EFHD2: variants seen among roughly 807,000 people sequenced by gnomAD.
EFHD2 encodes the protein EF-hand domain family member D2, also known as EF-hand domain-containing protein D2.
A neutral mutation model predicts 20.3 loss-of-function variants in EFHD2; 12 were observed. The ratio of observed to expected loss-of-function variants is 0.59; its 90% CI spans 0.38 to 0.96. EFHD2 has a LOEUF of 0.96. Among genes scored for constraint, EFHD2 ranks in the 40% least tolerant of loss-of-function variants. The pLI is 0.00. For missense variants in EFHD2, 250 were observed against 334.3 expected (o/e 0.75, Z 1.97); for synonymous variants, 131 against 143.9 (o/e 0.91, Z 0.64).
chr1:15,424,999 A>T (rs1389635582), intron 1 of EFHD2, among the ~76,000 whole-genome samples: 1 of 152,158 alleles, frequency 6.6e-6, no homozygotes, highest in Non-Finnish European at 1.5e-5. Flanking sequence ...GAGGGATGCT[A>T]CTATAAACAT....
chr1:15,414,840 A>G (rs1707628806), intron 1 of EFHD2, among the ~76,000 whole-genome samples: 2 of 152,224 alleles, frequency 1.3e-5, no homozygotes, highest in Non-Finnish European at 2.9e-5. Flanking sequence ...ACCTAGTTTC[A>G]GGGAAGGCAG....
chr1:15,422,990 T>TG (rs975639578), intron 1 of EFHD2, among the ~76,000 whole-genome samples: 2 of 152,196 alleles, frequency 1.3e-5, no homozygotes, highest in African/African-American at 4.8e-5. Context: ...TTTGCTTTCC[T>TG]GGGGGGCACT....
intron 1 of EFHD2, among the ~76,000 whole-genome samples, chr1:15,410,779 A>C (rs1239890198): frequency 7.2e-5 from 4 of 55,586 alleles, no homozygotes; most frequent in Non-Finnish European, 1.0e-4. Flanking sequence ...TACCCACCCC[A>C]GTGCCCCTCG....
chr1:15,413,030 A>T lies in EFHD2; in HGVS notation c.308+2751A>T, dbSNP rs936980058. 1.4e-4 allele frequency among the ~76,000 whole-genome samples: 22 copies of T among 152,100 alleles called. No individual in the cohort carries two copies. Among genetic ancestry groups the T allele is most frequent in the Non-Finnish European group, 5.9e-5 (4 of 68,000 alleles). The stretch of plus-strand genomic sequence containing the variant: ...AGCTGCAGATTGTGTATTCAAGGAA[A>T]CAACGCTTCACTGTGCCAACCGAGC... On this transcript the variant is annotated intron_variant, in intron 1 of 3. Coordinates refer to ENST00000375980, the MANE Select transcript of EFHD2 (RefSeq NM_024329.6). This position sits in a 1 kb window ranked among gnomAD's most constrained non-coding sequence, Gnocchi z 4.4.
Position 15,428,685 on chromosome 1 carries a change from G to C in EFHD2, c.684G>C (p.Arg228=). The C allele has an allele frequency of 1.2e-6, 2 of 1,603,142 alleles. No homozygotes were observed. The highest frequency in any genetic ancestry group is 8.5e-7 in the Non-Finnish European group (1 of 1,175,576). Reference sequence around the variant, plus strand: ...AGCAGGCGGAGGAGATGAAGCAGCGGAAAGCGGCCTTCAAGGAGCTGCAGT... The same window carrying C: ...AGCAGGCGGAGGAGATGAAGCAGCGCAAAGCGGCCTTCAAGGAGCTGCAGT... ...RKKQAEEMKQ[R]KAAFKELQST... Residue 228 remains arginine, a synonymous_variant, in exon 4 of 4, where the codon CGG becomes CGC. Transcript: ENST00000375980.
At chr1:15,427,650 C>T (rs772443006) in intron 3 of EFHD2, among the ~76,000 whole-genome samples, 12 of 152,216 alleles carry the variant, frequency 7.9e-5, no homozygotes, top group Non-Finnish European at 1.6e-4. Flanking sequence ...ACCAATCCCA[C>T]CAGCCCCAGC....
chr1:15,419,481 C>A (rs1188920460), intron 1 of EFHD2, among the ~76,000 whole-genome samples: 1 of 152,174 alleles, frequency 6.6e-6, no homozygotes, highest in Non-Finnish European at 1.5e-5. Context: ...CCTCCACTGG[C>A]CCTGCAAGCT....
chr1:15,410,400 C>T (rs1707459921), intron 1 of EFHD2, 121 bp downstream of exon 1: 7 of 1,233,832 alleles, frequency 5.7e-6, no homozygotes, highest in Non-Finnish European at 7.7e-6. Flanking sequence ...CTTCCCCGAA[C>T]CCAGACGCAC....
At chr1:15,423,384 C>T (rs1256953408) in intron 1 of EFHD2, among the ~76,000 whole-genome samples, 4 of 152,234 alleles carry the variant, frequency 2.6e-5, no homozygotes, top group Admixed American at 2.6e-4. Flanking sequence ...CAACCACTGA[C>T]TCACTGGCTC....
At chr1:15,425,386 G>A (rs1707857406) in intron 1 of EFHD2, among the ~76,000 whole-genome samples, 4 of 152,098 alleles carry the variant, frequency 2.6e-5, no homozygotes, top group African/African-American at 9.7e-5. Flanking sequence ...TTAGCTGGGT[G>A]TGGTGGTGCA....
Position 15,426,780 on chromosome 1 carries a change from G to T in EFHD2, c.457-370G>T, listed in dbSNP as rs943379457. On this transcript the variant is annotated intron_variant, in intron 2 of 3. Transcript: ENST00000375980. This position sits in a 1 kb window ranked among gnomAD's most constrained non-coding sequence, Gnocchi z 4.6. ...TGGGGTGTCTTTTACTGTCATGGAG[G>T]CTCCCTCATTCTGTCATGACACCTG... Among the ~76,000 whole-genome samples, 4 of 152,162 alleles carry T rather than the reference G, an allele frequency of 2.6e-5. No individual in the cohort carries two copies. Among genetic ancestry groups the T allele is most frequent in the African/African-American group, 9.7e-5 (4 of 41,436 alleles).
intron 1 of EFHD2, among the ~76,000 whole-genome samples, chr1:15,423,314 A>AG (rs112584188): frequency 0.015 from 2,252 of 152,354 alleles, 56 homozygotes; most frequent in African/African-American, 0.05. Flanking sequence ...GTGGGGCAGA[A>AG]GCCGCAGGAC....
intron 1 of EFHD2, among the ~76,000 whole-genome samples, chr1:15,419,727 C>G (rs916125885): frequency 5.3e-5 from 8 of 152,204 alleles, no homozygotes; most frequent in Non-Finnish European, 1.2e-4. Flanking sequence ...AACCTCAGTT[C>G]CAGCTCAGGG....
At position 15,413,549 on chromosome 1, in the gene EFHD2, AAG is replaced by A. The variant is rs1707585832; in HGVS notation, c.308+3275_308+3276del. On this transcript the variant is annotated intron_variant, in intron 1 of 3. Coordinates refer to ENST00000375980, the MANE Select transcript of EFHD2 (RefSeq NM_024329.6). The surrounding 1 kb of genome is among the most constrained non-coding windows in gnomAD (Gnocchi z 4.4). ...TTCCTGAGGCTGGAGATCGAGGGGG[AAG>A]AGAGGGGATGGGGGAAGATAGACAG... Among the ~76,000 whole-genome samples the A allele has an allele frequency of 6.6e-6, 1 of 151,826 alleles. No homozygotes were observed. Among genetic ancestry groups the A allele is most frequent in the African/African-American group, 2.4e-5 (1 of 41,292 alleles).
chr1:15,429,256 C>G lies in EFHD2; in HGVS notation c.*532C>G, dbSNP rs868141037. ...TAATTGGAGGCACGAGGGGACCCCT[C>G]CCCAGGGCCTTTTCCTCCTCTGCGT... On this transcript the variant is annotated 3_prime_UTR_variant, in exon 4 of 4. Coordinates refer to ENST00000375980, the MANE Select transcript of EFHD2 (RefSeq NM_024329.6). The G allele has an allele frequency of 1.9e-5, 3 of 156,996 alleles. No individual in the cohort carries two copies. The highest frequency in any genetic ancestry group is 3.7e-4 in the South Asian group (2 of 5,438). 9.7% of individuals were successfully genotyped at this position (156,996 alleles called of 1,614,324 possible). A position where few individuals can be genotyped will look rare whatever the true frequency, so the allele number is the denominator to read the frequency against.
intron 1 of EFHD2, among the ~76,000 whole-genome samples, chr1:15,411,114 G>A (rs1326208203): frequency 2.2e-5 from 3 of 133,950 alleles, no homozygotes; most frequent in Admixed American, 7.6e-5. Context: ...GCTCCTGCCC[G>A]CCCCACCCCC....
At position 15,409,912 on chromosome 1, in the gene EFHD2, G is replaced by A. The variant is rs1021731238; in HGVS notation, c.-60G>A. ...GGAGTGTCAGGAAGAGGAAGAGCGC[G>A]GCCGGCGGCGCTGCGCTGAGAGCAG... On this transcript the variant is annotated 5_prime_UTR_variant, in exon 1 of 4. Transcript: ENST00000375980. 4.2e-6 allele frequency: 5 copies of A among 1,195,412 alleles called. No homozygotes were observed. The highest frequency in any genetic ancestry group is 3.1e-6 in the Non-Finnish European group (3 of 965,740). The allele number at this position is 1,195,412 out of a possible 1,614,324, so 74.1% of individuals were successfully genotyped here. A position where few individuals can be genotyped will look rare whatever the true frequency, so the allele number is the denominator to read the frequency against.
At chr1:15,422,083 C>CAGGT (rs2103277026) in intron 1 of EFHD2, among the ~76,000 whole-genome samples, 2 of 143,364 alleles carry the variant, frequency 1.4e-5, no homozygotes, top group East Asian at 4.0e-4. Context: ...CCAGGTCATT[C>CAGGT]CATTTTTTTT....
chr1:15,411,107 C>T (rs2103268318), intron 1 of EFHD2, among the ~76,000 whole-genome samples: 1 of 151,784 alleles, frequency 6.6e-6, no homozygotes, highest in South Asian at 2.1e-4. Flanking sequence ...CCCTCCCGCT[C>T]CTGCCCGCCC....
Sources: gnomAD v4.1 joint callset for allele counts (sites outside exome capture counted in the v4.1 genomes callset) on GRCh38, gnomAD v4.1.1 for gene constraint, Gnocchi (gnomAD v3.1) non-coding constraint, MANE v1.5 for transcripts, NCBI Gene and HGNC (gene_info 2026-07-23, HGNC 2026-07-21) for gene names.